Variants in EVC2 observed in about 807,000 individuals in gnomAD.
The protein encoded by EVC2 is limbin.
EVC2 carries 148 observed loss-of-function variants against 149.3 expected under a neutral mutation model. That is an observed-to-expected ratio of 0.99 (90% CI 0.87 to 1.14). EVC2 has a LOEUF of 1.14. Ranked by LOEUF, EVC2 falls within the 50% of genes most tolerant of loss-of-function variation. The pLI, the probability that EVC2 is intolerant of heterozygous loss-of-function variation, is 0.00. For missense variants in EVC2, 1,854 were observed against 1,627.3 expected, an observed-to-expected ratio of 1.14 and a Z score of -2.40; for synonymous variants, 776 against 649.9, an observed-to-expected ratio of 1.19 and a Z score of -2.95.
rs558855351 is a variant in EVC2 at position 5,704,693 on chromosome 4, A to G, written c.228+3593T>C. 4.1e-4 allele frequency among the ~76,000 whole-genome samples: 62 copies of G among 152,252 alleles called. 1 individual carries two copies. Among genetic ancestry groups the G allele is most frequent in the Admixed American group, 4.0e-3 (61 of 15,282 alleles). ...CTCCATCTTTCCTGACCAAGCTCTC[A>G]GGAAGTTTTGTTTTGTTGTTGTTGT... is the stretch of plus-strand genomic sequence containing the variant. On this transcript the variant is annotated intron_variant, in intron 1 of 21. Transcript: ENST00000344408.
intron 16 of EVC2, among the ~76,000 whole-genome samples, chr4:5,595,806 G>T (rs1188217877): frequency 6.6e-6 from 1 of 152,192 alleles, no homozygotes; most frequent in East Asian, 1.9e-4. Context: ...CCATCTGTGT[G>T]CTGTATTCAG....
chr4:5,645,107 T>C (rs1717613088), intron 9 of EVC2, among the ~76,000 whole-genome samples: 1 of 152,194 alleles, frequency 6.6e-6, no homozygotes. Flanking sequence ...CCCATAATGG[T>C]ACTATATTCA....
Position 5,616,316 on chromosome 4 carries a change from A to AAG in EVC2, c.2707-774_2707-773dup, listed in dbSNP as rs549458786. Among the ~76,000 whole-genome samples, 340 of 152,294 alleles carry AAG rather than the reference A, an allele frequency of 2.2e-3. 1 individual carries two copies. The highest frequency in any genetic ancestry group is 3.5e-3 in the Non-Finnish European group (241 of 68,024). On this transcript the variant is annotated intron_variant, in intron 15 of 21. Coordinates refer to ENST00000344408, the MANE Select transcript of EVC2 (RefSeq NM_147127.5). The stretch of plus-strand genomic sequence containing the variant: ...AGAGGGCCACAGAAAGGGCTGAAGG[A>AAG]AGAGGGTGGTGAATCTGACTTGCAC...
chr4:5,624,982 T>A (rs1715998675), intron 13 of EVC2, among the ~76,000 whole-genome samples: 1 of 152,124 alleles, frequency 6.6e-6, no homozygotes, highest in Admixed American at 6.5e-5. Flanking sequence ...TAGGCCTGCA[T>A]CCGCTCGCAC....
intron 9 of EVC2, among the ~76,000 whole-genome samples, chr4:5,647,560 G>C (rs1292718891): frequency 1.3e-5 from 2 of 152,160 alleles, no homozygotes; most frequent in Non-Finnish European, 2.9e-5. Context: ...AGAAACACAA[G>C]AGCTGCCTCA....
At chr4:5,606,385 C>T (rs1222335902) in intron 16 of EVC2, among the ~76,000 whole-genome samples, 1 of 152,120 alleles carries the variant, frequency 6.6e-6, no homozygotes, top group East Asian at 1.9e-4. Context: ...AATAATAAAT[C>T]AATAACACTT....
At chr4:5,615,880 A>T (rs1485050383) in intron 15 of EVC2, among the ~76,000 whole-genome samples, 1 of 152,200 alleles carries the variant, frequency 6.6e-6, no homozygotes, top group Non-Finnish European at 1.5e-5. Context: ...CCTCTCTGAG[A>T]AGGGGACGCT....
chr4:5,635,474 T>C (rs1362147974), intron 10 of EVC2, among the ~76,000 whole-genome samples: 2 of 151,542 alleles, frequency 1.3e-5, no homozygotes, highest in African/African-American at 4.9e-5. Flanking sequence ...CTGGAGGGAG[T>C]GTCCCATGGA....
downstream of EVC2, among the ~76,000 whole-genome samples, chr4:5,540,799 T>C (rs1315778502): frequency 6.6e-6 from 1 of 152,218 alleles, no homozygotes; most frequent in Non-Finnish European, 1.5e-5. Context: ...ATCTTAACTA[T>C]GTGCGATTTA....
chr4:5,688,681 T>C lies in EVC2; in HGVS notation c.706+476A>G, dbSNP rs558448508. On this transcript the variant is annotated intron_variant, in intron 5 of 21. Transcript: ENST00000344408. ...CCTGGAGTTACCCCAGTGAACATGC[T>C]TGAACACCTGAACACACCTGGACAG... Among the ~76,000 whole-genome samples the C allele has an allele frequency of 3.3e-5, 5 of 152,248 alleles. No individual in the cohort carries two copies. The South Asian group carries it at 6.2e-4, about 19-fold the overall frequency.
rs1255566119 is a variant in EVC2 at position 5,613,708 on chromosome 4, T to G, written c.2829+1714A>C. Among the ~76,000 whole-genome samples, 1 of 146,034 alleles carries G rather than the reference T, an allele frequency of 6.8e-6. No homozygotes were observed. The highest frequency in any genetic ancestry group is 1.5e-5 in the Non-Finnish European group (1 of 67,956). On this transcript the variant is annotated intron_variant, in intron 16 of 21. Transcript: ENST00000344408. The surrounding 1 kb of genome is among the most constrained non-coding windows in gnomAD (Gnocchi z 4.6). ...TACTCAGGTAGTTTAGGAAGCCCAGTGGCTCTCACATTGATGTATATCTCT... is the reference window on the plus strand; with the variant it reads ...TACTCAGGTAGTTTAGGAAGCCCAGGGGCTCTCACATTGATGTATATCTCT...
intron 9 of EVC2, among the ~76,000 whole-genome samples, chr4:5,646,456 T>C (rs768045382): frequency 1.3e-5 from 2 of 152,178 alleles, no homozygotes; most frequent in Non-Finnish European, 2.9e-5. Flanking sequence ...AATCAACTGT[T>C]ACCTAGATCC....
Position 5,677,683 on chromosome 4 carries a change from C to T in EVC2, c.870+3577G>A, listed in dbSNP as rs1720084244. Among the ~76,000 whole-genome samples, 3 of 152,346 alleles carry T rather than the reference C, an allele frequency of 2.0e-5. No individual in the cohort carries two copies. Among genetic ancestry groups the T allele is most frequent in the South Asian group, 4.1e-4 (2 of 4,832 alleles). ...TTACACTCATACAGCAACCAGCCAC[C>T]TCCTCCTCCTGAGCAGCAATCATCG... On this transcript the variant is annotated intron_variant, in intron 7 of 21. Coordinates refer to ENST00000344408, the MANE Select transcript of EVC2 (RefSeq NM_147127.5). This position sits in a 1 kb window ranked among gnomAD's most constrained non-coding sequence, Gnocchi z 4.3.
intron 16 of EVC2, among the ~76,000 whole-genome samples, chr4:5,588,961 T>C (rs903865110): frequency 6.6e-6 from 1 of 152,258 alleles, no homozygotes; most frequent in Non-Finnish European, 1.5e-5. Context: ...TGCCATTCTC[T>C]GTCAATTCTA....
intron 16 of EVC2, among the ~76,000 whole-genome samples, chr4:5,606,584 A>G (rs1242362635): frequency 2.6e-5 from 4 of 152,198 alleles, no homozygotes; most frequent in Non-Finnish European, 5.9e-5. Context: ...TCCAGTACCC[A>G]ACACATGAAA....
intron 5 of EVC2, among the ~76,000 whole-genome samples, chr4:5,688,171 T>C (rs1213986783): frequency 8.5e-5 from 13 of 152,192 alleles, no homozygotes; most frequent in Non-Finnish European, 4.4e-5. Context: ...AGGTCACTAC[T>C]TGTGGGCAAG....
intron 16 of EVC2, among the ~76,000 whole-genome samples, chr4:5,589,873 G>A (rs1045443621): frequency 6.6e-6 from 1 of 152,104 alleles, no homozygotes; most frequent in Non-Finnish European, 1.5e-5. Context: ...TGACACATTG[G>A]AGTGTTTAAC....
chr4:5,700,091 G>C (rs1275351755), intron 1 of EVC2, among the ~76,000 whole-genome samples: 1 of 152,190 alleles, frequency 6.6e-6, no homozygotes, highest in Non-Finnish European at 1.5e-5. Flanking sequence ...AGTGAGTGGA[G>C]ATGGCGCCAC....
intron 3 of EVC2, among the ~76,000 whole-genome samples, chr4:5,693,045 G>GT (rs1394088674): frequency 6.6e-6 from 1 of 152,140 alleles, no homozygotes; most frequent in Non-Finnish European, 1.5e-5. Context: ...AAGAGAATTT[G>GT]CCAAAGCCCT....
Sources: gnomAD v4.1 joint callset for allele counts (sites outside exome capture counted in the v4.1 genomes callset) on GRCh38, gnomAD v4.1.1 for gene constraint, Gnocchi (gnomAD v3.1) non-coding constraint, MANE v1.5 for transcripts, NCBI Gene and HGNC (gene_info 2026-07-23, HGNC 2026-07-21) for gene names.